The following DMXL1 variants were observed in gnomAD, a reference collection of about 807,000 sequenced individuals.
DMXL1 encodes the protein dmX-like protein 1.
Under a neutral mutation model 319.2 loss-of-function variants are expected in DMXL1, and 99 were observed. The observed-to-expected ratio is 0.31, with a 90% CI of 0.26 to 0.37. DMXL1 has a LOEUF of 0.37. DMXL1 is among the 10% of genes least tolerant of loss of function. The probability of loss-of-function intolerance (pLI) is 1.00; values close to 1 mark genes in which losing one functional copy is unlikely to be tolerated. For missense variants in DMXL1, 3,745 were observed against 3,595.6 expected, an observed-to-expected ratio of 1.04 and a Z score of -1.06; for synonymous variants, 1,385 against 1,235.2, an observed-to-expected ratio of 1.12 and a Z score of -2.54.
In DMXL1 at chr5:119,211,043, C is replaced by T. The variant is rs1318508567; in HGVS notation, c.7926+4147C>T. Among the ~76,000 whole-genome samples the T allele has an allele frequency of 6.1e-5, 9 of 148,300 alleles. No homozygotes were observed. In the South Asian group the frequency reaches 1.1e-3, roughly 17 times the overall value. ...TTTGCCTACTATTGAAATGATCATC[C>T]TTTTTTCTTTTTTAGTATGATAGGT... On this transcript the variant is annotated intron_variant, in intron 34 of 43. Transcript: ENST00000539542.
chr5:119,199,762 G>A (rs1256351009), intron 32 of DMXL1, among the ~76,000 whole-genome samples: 3 of 152,058 alleles, frequency 2.0e-5, no homozygotes, highest in Admixed American at 2.0e-4. Flanking sequence ...ATTTTTAAAT[G>A]ATAACCATTC....
At chr5:119,129,711 G>A (rs1031814682) in intron 10 of DMXL1, among the ~76,000 whole-genome samples, 14 of 152,266 alleles carry the variant, frequency 9.2e-5, no homozygotes, top group Admixed American at 2.0e-4. Flanking sequence ...TTACCCAGGA[G>A]CTTGTTAGAA....
At position 119,209,923 on chromosome 5, in the gene DMXL1, C is replaced by A. The variant is rs561509151; in HGVS notation, c.7926+3027C>A. Among the ~76,000 whole-genome samples, 10 of 152,258 alleles carry A rather than the reference C, an allele frequency of 6.6e-5. 1 individual carries two copies. In the South Asian group the frequency reaches 1.9e-3, roughly 28 times the overall value. ...GAAATGTGATTTGCAAATATTTTCT[C>A]TTACTCTATGGCTTGTCTTTTCATT... On this transcript the variant is annotated intron_variant, in intron 34 of 43. Coordinates refer to ENST00000539542, the MANE Select transcript of DMXL1 (RefSeq NM_001290321.3).
intron 28 of DMXL1, 134 bp from the exon 29 acceptor site, chr5:119,189,574 G>C (rs1387210945): frequency 1.3e-6 from 1 of 781,334 alleles, no homozygotes; most frequent in African/African-American, 1.7e-5. Flanking sequence ...CTTACCTGCT[G>C]TGTACTTTCA....
chr5:119,089,307 T>A lies in DMXL1; in HGVS notation c.88-8672T>A, dbSNP rs1180855718. Among the ~76,000 whole-genome samples the A allele has an allele frequency of 3.2e-4, 34 of 105,108 alleles. 1 individual carries two copies. The East Asian group carries it at 3.5e-3, about 11-fold the overall frequency. 69.0% of individuals were successfully genotyped at this position (105,108 alleles called of 152,430 possible). A position where few individuals can be genotyped will look rare whatever the true frequency, so the allele number is the denominator to read the frequency against. ...ATATATATATATTTTTTTTTTTTTT[T>A]TTTTTTTTTTTTTTTTGAGACAGAG... On this transcript the variant is annotated intron_variant, in intron 1 of 43. Transcript: ENST00000539542.
Position 119,248,506 on chromosome 5 carries a change from A to G in DMXL1, c.*1287A>G, listed in dbSNP as rs1000857092. On this transcript the variant is annotated 3_prime_UTR_variant, in exon 44 of 44. Transcript: ENST00000539542. ...AATGAGACTACAGGCAGATGGGACTAAGTGTTTATGGGACAATTATGTACT... is the reference window on the plus strand; with the variant it reads ...AATGAGACTACAGGCAGATGGGACTGAGTGTTTATGGGACAATTATGTACT... The G allele has an allele frequency of 1.3e-5, 2 of 152,452 alleles. No individual in the cohort carries two copies. The highest frequency in any genetic ancestry group is 1.5e-5 in the Non-Finnish European group (1 of 67,908). The allele number at this position is 152,452 out of a possible 1,614,324, so 9.4% of individuals were successfully genotyped here. A position where few individuals can be genotyped will look rare whatever the true frequency, so the allele number is the denominator to read the frequency against.
chr5:119,196,962 G>A lies in DMXL1; in HGVS notation c.7543+506G>A, dbSNP rs116492636. ...CAGAGGAGTTTATTCTCATTATGCC[G>A]TAGTAGTAAATCAGTAGGTCATTTC... On this transcript the variant is annotated intron_variant, in intron 31 of 43. Coordinates refer to ENST00000539542, the MANE Select transcript of DMXL1 (RefSeq NM_001290321.3). Among the ~76,000 whole-genome samples, 552 of 152,154 alleles carry A rather than the reference G, an allele frequency of 3.6e-3. 7 individuals carry two copies. The highest frequency in any genetic ancestry group is 0.012 in the African/African-American group (503 of 41,512).
At chr5:119,135,937 G>A (rs1030240625) in intron 13 of DMXL1, among the ~76,000 whole-genome samples, 5 of 152,178 alleles carry the variant, frequency 3.3e-5, no homozygotes, top group East Asian at 1.9e-4. Flanking sequence ...ATGTGGAAGC[G>A]GTGTTGGAAC....
intron 19 of DMXL1, among the ~76,000 whole-genome samples, chr5:119,160,141 A>G (rs1285107810): frequency 2.0e-5 from 3 of 150,412 alleles, no homozygotes; most frequent in African/African-American, 7.3e-5. Flanking sequence ...TGACAGAGAT[A>G]TATATATATA....
intron 1 of DMXL1, among the ~76,000 whole-genome samples, chr5:119,085,363 A>T (rs1753127670): frequency 1.3e-5 from 2 of 150,430 alleles, no homozygotes; most frequent in Non-Finnish European, 1.5e-5. Context: ...TAAATAAATA[A>T]ATATAATAAT....
intron 34 of DMXL1, among the ~76,000 whole-genome samples, chr5:119,209,730 T>C (rs1442705148): frequency 6.6e-6 from 1 of 152,202 alleles, no homozygotes; most frequent in Non-Finnish European, 1.5e-5. Flanking sequence ...TAGTAGTTCA[T>C]TGTGGTTTTA....
At chr5:119,155,071 C>T (rs1435977023) in intron 19 of DMXL1, among the ~76,000 whole-genome samples, 1 of 152,162 alleles carries the variant, frequency 6.6e-6, no homozygotes, top group Non-Finnish European at 1.5e-5. Flanking sequence ...GAAAGATTTC[C>T]TTTCGAAATA....
chr5:119,123,445 GGAGGGAGAGGAGGAGAGGTA>G (rs1385820756), intron 9 of DMXL1, among the ~76,000 whole-genome samples: 47 of 143,612 alleles, frequency 3.3e-4, no homozygotes, highest in Middle Eastern at 3.6e-3. Flanking sequence ...GAGAGGGAGA[GGAGGGAGAGGAGGAGAGGTA>G]GAGGGAGAGG....
intron 13 of DMXL1, among the ~76,000 whole-genome samples, chr5:119,136,035 T>C (rs894767533): frequency 6.6e-6 from 1 of 152,180 alleles, no homozygotes; most frequent in Non-Finnish European, 1.5e-5. Context: ...TAGAGACTTG[T>C]TGAATGGTTT....
chr5:119,119,971 C>T (rs1352849531), intron 8 of DMXL1, among the ~76,000 whole-genome samples: 1 of 151,736 alleles, frequency 6.6e-6, no homozygotes, highest in Admixed American at 6.6e-5. Context: ...ACCTCTGCTT[C>T]CCGGGTTCAA....
At chr5:119,165,143 C>A in intron 20 of DMXL1, 40 bp from the exon 21 acceptor site, 1 of 1,253,718 alleles carries the variant, frequency 8.0e-7, no homozygotes, top group Non-Finnish European at 1.1e-6. Flanking sequence ...TTGTTCAAAA[C>A]TGTTTCTGTG....
intron 32 of DMXL1, among the ~76,000 whole-genome samples, chr5:119,202,230 C>T (rs1780832771): frequency 6.6e-6 from 1 of 152,162 alleles, no homozygotes; most frequent in African/African-American, 2.4e-5. Flanking sequence ...CCTCTTAATG[C>T]TGCCTTAGCT....
At chr5:119,240,643 C>T (rs1788602000) in intron 42 of DMXL1, among the ~76,000 whole-genome samples, 172 bp downstream of exon 42, 1 of 152,144 alleles carries the variant, frequency 6.6e-6, no homozygotes, top group South Asian at 2.1e-4. Flanking sequence ...GTAATTAACT[C>T]TTCACTATAC....
rs377504625 is a variant in DMXL1 at position 119,147,503 on chromosome 5, G to A, written c.2911+33G>A. 326 of 1,459,664 alleles carry A rather than the reference G, an allele frequency of 2.2e-4. 1 individual carries two copies. The highest frequency in any genetic ancestry group is 3.5e-4 in the Middle Eastern group (2 of 5,754). 90.4% of individuals were successfully genotyped at this position (1,459,664 alleles called of 1,614,324 possible). A position where few individuals can be genotyped will look rare whatever the true frequency, so the allele number is the denominator to read the frequency against. ...AATTTTATGAAAAGAGACTAATTTT[G>A]TAACACATGAGTATTTACCAGGTAT... On this transcript the variant is annotated intron_variant, in intron 17 of 43. Coordinates refer to ENST00000539542, the MANE Select transcript of DMXL1 (RefSeq NM_001290321.3).
Sources: gnomAD v4.1 joint callset for allele counts (sites outside exome capture counted in the v4.1 genomes callset) on GRCh38, gnomAD v4.1.1 for gene constraint, MANE v1.5 for transcripts, NCBI Gene and HGNC (gene_info 2026-07-23, HGNC 2026-07-21) for gene names.